Variants in ZNF451 observed in about 807,000 individuals in gnomAD.
ZNF451 encodes zinc finger protein 451.
ZNF451 carries 80 observed loss-of-function variants against 107.1 expected under a neutral mutation model. That is an observed-to-expected ratio of 0.75 (90% CI 0.62 to 0.90). The LOEUF is 0.90. Ranked by LOEUF, ZNF451 falls within the 40% of genes least tolerant of loss-of-function variation. The pLI, the probability that ZNF451 is intolerant of heterozygous loss-of-function variation, is 0.00. For synonymous variants in ZNF451, 362 were observed against 406.5 expected (o/e 0.89, Z 1.32); for missense variants, 1,107 against 1,236.2 (o/e 0.90, Z 1.57).
At chr6:57,159,522 A>C in intron 13 of ZNF451, 1 of 265,816 alleles carries the variant, frequency 3.8e-6, no homozygotes, top group Non-Finnish European at 5.7e-6. Context: ...AAACATTATA[A>C]GAGTTTTTTT....
In ZNF451 at chr6:57,153,960, C is replaced by CA; in HGVS notation, c.2984dup (p.Arg996GlufsTer22). 1 of 1,614,158 alleles carries CA rather than the reference C, an allele frequency of 6.2e-7. No homozygotes were observed. Among genetic ancestry groups the CA allele is most frequent in the Non-Finnish European group, 8.5e-7 (1 of 1,180,032 alleles). ...GCTAGAGAATCAATTTAAGAAGACT[C>CA]AGAGGCCAGCTCATATACTAAACCC... On this transcript the variant is annotated frameshift_variant, in exon 13 of 15. Coordinates refer to ENST00000370706, the MANE Select transcript of ZNF451 (RefSeq NM_001031623.3). LOFTEE classifies it high-confidence loss of function.
intron 13 of ZNF451, among the ~76,000 whole-genome samples, chr6:57,155,275 C>T (rs1763358778): frequency 6.6e-6 from 1 of 152,158 alleles, no homozygotes; most frequent in East Asian, 1.9e-4. Flanking sequence ...CACCTGAGGT[C>T]AGAAGTTCAA....
At chr6:57,158,670 C>T (rs1198621961) in intron 13 of ZNF451, 13 of 985,308 alleles carry the variant, frequency 1.3e-5, no homozygotes, top group Non-Finnish European at 1.6e-5. Context: ...CCAGGGCACA[C>T]AGAAGTTAGT....
At chr6:57,139,034 A>T (rs1215807411) in intron 7 of ZNF451, among the ~76,000 whole-genome samples, 3 of 152,084 alleles carry the variant, frequency 2.0e-5, no homozygotes, top group Admixed American at 2.0e-4. Flanking sequence ...TAAACTAAAA[A>T]TGATTTAATG....
intron 3 of ZNF451, among the ~76,000 whole-genome samples, chr6:57,110,206 G>T (rs1276445776): frequency 1.3e-5 from 2 of 152,138 alleles, no homozygotes; most frequent in Non-Finnish European, 2.9e-5. Context: ...GGTGTGTCTG[G>T]TTTCAGAATT....
chr6:57,148,109 T>C lies in ZNF451; in HGVS notation c.2024T>C (p.Ile675Thr), dbSNP rs1275748695. The part of the protein sequence containing the change: ...IKYFCGLCDL[I>T]FNVEEAFLSH... ...TACTTCTGTGGGCTTTGTGATCTTA[T>C]CTTTAATGTGGAAGAAGCATTTCTG... Residue 675 changes from isoleucine to threonine, a missense_variant, in exon 10 of 15, where the codon ATC becomes ACC. Coordinates refer to ENST00000370706, the MANE Select transcript of ZNF451 (RefSeq NM_001031623.3). The C allele has an allele frequency of 1.2e-6, 2 of 1,614,080 alleles. No individual in the cohort carries two copies. Among genetic ancestry groups the C allele is most frequent in the Non-Finnish European group, 1.7e-6 (2 of 1,179,976 alleles).
intron 4 of ZNF451, among the ~76,000 whole-genome samples, chr6:57,126,289 G>A (rs2127961031): frequency 6.6e-6 from 1 of 152,056 alleles, no homozygotes; most frequent in South Asian, 2.1e-4. Context: ...CTTTAAGGAA[G>A]AAAATGACTC....
rs1831756123 is a variant in ZNF451 at position 57,141,469 on chromosome 6, C to CT, written c.856+15dup. 2 of 1,590,258 alleles carry CT rather than the reference C, an allele frequency of 1.3e-6. No individual in the cohort carries two copies. Among genetic ancestry groups the CT allele is most frequent in the South Asian group, 1.2e-5 (1 of 86,618 alleles). On this transcript the variant is annotated intron_variant, in intron 8 of 14. Transcript: ENST00000370706. ...TCAAACTGGGTGGTATGTTAATACTCTCTTCTGCTGAAAATTAAACTACTT... is the reference window on the plus strand; with the variant it reads ...TCAAACTGGGTGGTATGTTAATACTCTTCTTCTGCTGAAAATTAAACTACTT...
intron 14 of ZNF451, chr6:57,164,824 C>T (rs1284905442): frequency 2.0e-5 from 3 of 152,090 alleles, no homozygotes; most frequent in Non-Finnish European, 4.4e-5. Context: ...GAAATTAAGG[C>T]AGAAAGAATG....
intron 3 of ZNF451, among the ~76,000 whole-genome samples, chr6:57,111,047 G>A (rs990465962): frequency 6.6e-6 from 1 of 152,026 alleles, no homozygotes; most frequent in East Asian, 1.9e-4. Flanking sequence ...AGCCTCCCAA[G>A]TAGCTAGGAT....
intron 14 of ZNF451, chr6:57,165,712 A>G (rs1381372468): frequency 6.6e-6 from 1 of 152,196 alleles, no homozygotes; most frequent in Non-Finnish European, 1.5e-5. Flanking sequence ...TACATAAGAC[A>G]GTTGGCTTAA....
In ZNF451 at chr6:57,105,467, G is replaced by A. The variant is rs569415038; in HGVS notation, c.186+6326G>A. On this transcript the variant is annotated intron_variant, in intron 3 of 14. Coordinates refer to ENST00000370706, the MANE Select transcript of ZNF451 (RefSeq NM_001031623.3). ...TGCTGGTGGTATTTATGTGAATTTT[G>A]TACAGTGATTTAATCTTGTAGTTTA... The A allele has an allele frequency of 4.1e-6, 4 of 985,178 alleles. No individual in the cohort carries two copies. The Admixed American group carries it at 1.8e-4, about 45-fold the overall frequency. The allele number at this position is 985,178 out of a possible 1,614,324, so 61.0% of individuals were successfully genotyped here.
chr6:57,106,076 A>G lies in ZNF451; in HGVS notation c.186+6935A>G, dbSNP rs137856241. On this transcript the variant is annotated intron_variant, in intron 3 of 14. Transcript: ENST00000370706. The stretch of plus-strand genomic sequence containing the variant: ...TGCTACCTAAGTGACCTGATTGATA[A>G]TGTCCTTAAGGACCTGATACATCCA... 760 of 985,356 alleles carry G rather than the reference A, an allele frequency of 7.7e-4. 4 individuals carry two copies. In the African/African-American group the frequency reaches 0.012, roughly 15 times the overall value. The allele number at this position is 985,356 out of a possible 1,614,324, so 61.0% of individuals were successfully genotyped here. A position where few individuals can be genotyped will look rare whatever the true frequency, so the allele number is the denominator to read the frequency against.
At position 57,147,458 on chromosome 6, in the gene ZNF451, G is replaced by T; in HGVS notation, c.1373G>T (p.Gly458Val). ...KMNLKDKSHE[G>V]VACVQKEKSV... Reference sequence around the variant, plus strand: ...AATTTAAAAGATAAAAGCCATGAAGGTGTTGCTTGTGTCCAGAAAGAAAAA... The same window carrying T: ...AATTTAAAAGATAAAAGCCATGAAGTTGTTGCTTGTGTCCAGAAAGAAAAA... Residue 458 changes from glycine (G) to valine (V), a missense_variant, in exon 10 of 15, where the codon GGT becomes GTT. By Grantham distance (109) the Gly-to-Val change is moderately radical. This residue lies in a region of ZNF451 where 608 missense variants were observed against 649.2 expected (regional missense o/e 0.94). Transcript: ENST00000370706. The T allele has an allele frequency of 3.1e-6, 5 of 1,614,112 alleles. No homozygotes were observed. Among genetic ancestry groups the T allele is most frequent in the Non-Finnish European group, 2.5e-6 (3 of 1,179,976 alleles).
chr6:57,098,992 T>C (rs2127937162), intron 2 of ZNF451, 69 bp from the exon 3 acceptor site: 1 of 1,279,134 alleles, frequency 7.8e-7, no homozygotes, highest in East Asian at 2.3e-5. Context: ...AAAAAAACAC[T>C]GTAGGTTTAA....
intron 14 of ZNF451, among the ~76,000 whole-genome samples, chr6:57,167,887 C>T (rs1763965022): frequency 1.3e-5 from 2 of 152,186 alleles, no homozygotes; most frequent in South Asian, 4.1e-4. Flanking sequence ...CTGCATACAG[C>T]ATATATTATA....
chr6:57,128,628 TA>T, intron 4 of ZNF451, 100 bp from the exon 5 acceptor site: 1 of 711,038 alleles, frequency 1.4e-6, no homozygotes. Flanking sequence ...GTTCTGGGGA[TA>T]AAAAGTAATC....
chr6:57,163,473 C>T (rs1310731114), intron 14 of ZNF451, among the ~76,000 whole-genome samples: 2 of 18,344 alleles, frequency 1.1e-4, no homozygotes, highest in East Asian at 7.5e-4. Flanking sequence ...TTTTTTGAGA[C>T]GGAGTCTCGC....
At position 57,158,921 on chromosome 6, in the gene ZNF451, T is replaced by G. The variant is rs1376157895; in HGVS notation, c.3071-2163T>G. ...AATTACACAGATTTTTAAATCCATC[T>G]TACATATAGAGCATAAACATTCACC... On this transcript the variant is annotated intron_variant, in intron 13 of 14. Transcript: ENST00000370706. 3.0e-6 allele frequency: 3 copies of G among 985,370 alleles called. No homozygotes were observed. The African/African-American group carries it at 5.2e-5, about 17-fold the overall frequency. 61.0% of individuals were successfully genotyped at this position (985,370 alleles called of 1,614,324 possible). A position where few individuals can be genotyped will look rare whatever the true frequency, so the allele number is the denominator to read the frequency against.
Sources: gnomAD v4.1 joint callset for allele counts (sites outside exome capture counted in the v4.1 genomes callset) on GRCh38, gnomAD v4.1.1 for gene constraint, gnomAD v4.1.1 regional missense constraint, MANE v1.5 for transcripts, NCBI Gene and HGNC (gene_info 2026-07-23, HGNC 2026-07-21) for gene names.